LMBRD1: variants seen among roughly 807,000 people sequenced by gnomAD.
LMBRD1 encodes the protein lysosomal cobalamin transport escort protein LMBD1.
In LMBRD1, 64 loss-of-function variants were observed where a neutral mutation model predicts 74.8. The observed-to-expected ratio is 0.86, with a 90% CI of 0.70 to 1.05. The LOEUF is 1.05. Among genes scored for constraint, LMBRD1 ranks in the 50% least tolerant of loss-of-function variants. The pLI is 0.00. For missense variants in LMBRD1, 652 were observed against 645.9 expected (o/e 1.01, Z -0.10); for synonymous variants, 204 against 216.3 (o/e 0.94, Z 0.50).
intron 7 of LMBRD1, among the ~76,000 whole-genome samples, chr6:69,730,338 G>A (rs2149863999): frequency 6.6e-6 from 1 of 152,084 alleles, no homozygotes; most frequent in Non-Finnish European, 1.5e-5. Flanking sequence ...ACTACCTGTA[G>A]ACTTAATAAA....
intron 3 of LMBRD1, among the ~76,000 whole-genome samples, chr6:69,769,205 TTCC>T (rs1765529369): frequency 2.0e-5 from 3 of 152,200 alleles, no homozygotes; most frequent in Non-Finnish European, 4.4e-5. Context: ...TCTTTAATCT[TTCC>T]TCTCTGATCT....
chr6:69,676,377 A>AT, intron 15 of LMBRD1, 73 bp downstream of exon 15: 1 of 1,574,554 alleles, frequency 6.4e-7, no homozygotes, highest in East Asian at 2.3e-5. Context: ...GCCTAGTAAG[A>AT]TAAAAAGAGT....
chr6:69,750,921 T>C (rs1217799065), intron 4 of LMBRD1, among the ~76,000 whole-genome samples: 1 of 152,208 alleles, frequency 6.6e-6, no homozygotes, highest in African/African-American at 2.4e-5. Flanking sequence ...TTAAGCATGA[T>C]TAAGCATGAT....
At chr6:69,741,291 T>C (rs1767095128) in intron 6 of LMBRD1, among the ~76,000 whole-genome samples, 1 of 152,158 alleles carries the variant, frequency 6.6e-6, no homozygotes, top group Admixed American at 6.5e-5. Flanking sequence ...AATAGCTAGA[T>C]GGCTAAAAGC....
At chr6:69,715,302 AG>A (rs1335209526) in intron 8 of LMBRD1, among the ~76,000 whole-genome samples, 1 of 152,106 alleles carries the variant, frequency 6.6e-6, no homozygotes, top group Non-Finnish European at 1.5e-5. Context: ...TCACTATTTT[AG>A]AAAAAAAAAT....
At chr6:69,683,041 A>G (rs1345415814) in intron 14 of LMBRD1, among the ~76,000 whole-genome samples, 1 of 151,846 alleles carries the variant, frequency 6.6e-6, no homozygotes, top group African/African-American at 2.4e-5. Context: ...CTTAGAAAGC[A>G]TACAGCTAAT....
chr6:69,678,637 A>T (rs2149833383), intron 14 of LMBRD1, among the ~76,000 whole-genome samples: 1 of 152,284 alleles, frequency 6.6e-6, no homozygotes, highest in East Asian at 1.9e-4. Flanking sequence ...CAAAATGGAC[A>T]ATGGCAAAAA....
chr6:69,742,020 C>G (rs1424775606), intron 5 of LMBRD1, 143 bp from the exon 6 acceptor site: 1 of 575,404 alleles, frequency 1.7e-6, no homozygotes, highest in Admixed American at 3.1e-5. Flanking sequence ...AGTTTCTTAT[C>G]TATGCATTTA....
At chr6:69,717,350 A>T (rs1766513928) in intron 8 of LMBRD1, among the ~76,000 whole-genome samples, 1 of 152,128 alleles carries the variant, frequency 6.6e-6, no homozygotes, top group African/African-American at 2.4e-5. Flanking sequence ...ACATTGCCAG[A>T]TATATGCTAA....
At position 69,777,145 on chromosome 6, in the gene LMBRD1, C is replaced by T. The variant is rs116601629; in HGVS notation, c.307+3349G>A. The stretch of plus-strand genomic sequence containing the variant: ...CCTGGACAACAAAGGGAGGCTCCAT[C>T]TCAAAAAAATTAAAAAAGGGGTCCG... On this transcript the variant is annotated intron_variant, in intron 3 of 15. Transcript: ENST00000649934. Among the ~76,000 whole-genome samples, 644 of 151,654 alleles carry T rather than the reference C, an allele frequency of 4.2e-3. 7 individuals carry two copies. Among genetic ancestry groups the T allele is most frequent in the African/African-American group, 0.015 (609 of 41,328 alleles).
chr6:69,790,406 A>G lies in LMBRD1; in HGVS notation c.136T>C (p.Ser46Pro). The change falls in exon 2 of 16, where the codon TCC (serine) becomes CCC (proline). Residue 46 changes from serine to proline, a missense_variant. Ser to Pro is a moderately conservative substitution (Grantham distance 74, BLOSUM62 -1). Coordinates refer to ENST00000649934, the MANE Select transcript of LMBRD1 (RefSeq NM_018368.4). ...AGAGAAAAAATTGCTGTTATGGTGGAGACAACTTCACTTTCCCGCCGACTT... is the reference window on the plus strand; with the variant it reads ...AGAGAAAAAATTGCTGTTATGGTGGGGACAACTTCACTTTCCCGCCGACTT... ...YQSRRESEVVSTITAIFSLAI... is the reference protein window; with the variant it reads ...YQSRRESEVVPTITAIFSLAI... 6.2e-7 allele frequency: 1 copy of G among 1,614,068 alleles called. No individual in the cohort carries two copies. The highest frequency in any genetic ancestry group is 8.5e-7 in the Non-Finnish European group (1 of 1,179,950).
intron 11 of LMBRD1, 75 bp downstream of exon 11, chr6:69,701,368 T>C: frequency 1.2e-6 from 1 of 813,954 alleles, no homozygotes; most frequent in East Asian, 2.6e-5. Flanking sequence ...TGCAACAGGA[T>C]GTCAGAATGT....
At chr6:69,747,837 T>C (rs185558497) in intron 5 of LMBRD1, among the ~76,000 whole-genome samples, 2 of 152,346 alleles carry the variant, frequency 1.3e-5, no homozygotes, top group African/African-American at 4.8e-5. Flanking sequence ...CTAGTTTTAT[T>C]AGCAAAAGCA....
At chr6:69,687,601 G>T (rs1222588764) in intron 14 of LMBRD1, among the ~76,000 whole-genome samples, 1 of 152,090 alleles carries the variant, frequency 6.6e-6, no homozygotes, top group Non-Finnish European at 1.5e-5. Flanking sequence ...CGACTAACAG[G>T]ATTGTGCTTC....
At chr6:69,755,534 CACACGTAT>C (rs1447535424) in intron 3 of LMBRD1, among the ~76,000 whole-genome samples, 1 of 148,410 alleles carries the variant, frequency 6.7e-6, no homozygotes, top group Non-Finnish European at 1.5e-5. Flanking sequence ...ACCACCATGG[CACACGTAT>C]ACCTATGTAA....
intron 7 of LMBRD1, among the ~76,000 whole-genome samples, chr6:69,734,939 A>G (rs544679974): frequency 6.6e-6 from 1 of 152,344 alleles, no homozygotes; most frequent in East Asian, 1.9e-4. Flanking sequence ...ATTAAGGAAT[A>G]AATGTTTGCA....
At chr6:69,720,434 T>G (rs1460398774) in intron 7 of LMBRD1, among the ~76,000 whole-genome samples, 1 of 152,240 alleles carries the variant, frequency 6.6e-6, no homozygotes, top group Non-Finnish European at 1.5e-5. Context: ...TGGAAGAAGA[T>G]TCTGTTACTA....
At chr6:69,703,576 T>C (rs1766182773) in intron 9 of LMBRD1, among the ~76,000 whole-genome samples, 1 of 151,462 alleles carries the variant, frequency 6.6e-6, no homozygotes. Context: ...ACAGAACAAA[T>C]GTAAAAAATA....
chr6:69,684,486 C>A (rs1765722822), intron 14 of LMBRD1, among the ~76,000 whole-genome samples: 1 of 151,876 alleles, frequency 6.6e-6, no homozygotes. Context: ...AATATAATGC[C>A]TTTAAAGTTG....
Sources: allele counts gnomAD v4.1 joint callset (sites outside exome capture counted in the v4.1 genomes callset), GRCh38; gene constraint gnomAD v4.1.1; transcripts MANE v1.5; gene names NCBI Gene and HGNC (gene_info 2026-07-23, HGNC 2026-07-21).